The following SUPT3H variants were observed in gnomAD, a reference collection of about 807,000 sequenced individuals.
SUPT3H encodes the protein transcription initiation protein SPT3 homolog.
A neutral mutation model predicts 44.3 loss-of-function variants in SUPT3H; 44 were observed. The observed-to-expected ratio is 0.99, with a 90% CI of 0.78 to 1.28. SUPT3H has a LOEUF of 1.28. Ranked by LOEUF, SUPT3H falls within the 50% of genes most tolerant of loss-of-function variation. The probability of loss-of-function intolerance (pLI) is 0.00; values close to 1 mark genes in which losing one functional copy is unlikely to be tolerated. For missense variants in SUPT3H, 380 were observed against 387.1 expected (o/e 0.98, Z 0.15); for synonymous variants, 124 against 125.6 (o/e 0.99, Z 0.09).
chr6:45,352,664 C>T (rs1247649998), intron 2 of SUPT3H, among the ~76,000 whole-genome samples: 1 of 152,154 alleles, frequency 6.6e-6, no homozygotes, highest in South Asian at 2.1e-4. Context: ...GCAACTGTAC[C>T]TAGTATTCTG....
At chr6:44,846,822 G>C (rs1322825183) in intron 10 of SUPT3H, among the ~76,000 whole-genome samples, 1 of 152,064 alleles carries the variant, frequency 6.6e-6, no homozygotes, top group Non-Finnish European at 1.5e-5. Flanking sequence ...GGTAGAGACG[G>C]GGTTTCTCTG....
chr6:45,277,470 T>G (rs1052981191), intron 2 of SUPT3H, among the ~76,000 whole-genome samples: 1 of 152,148 alleles, frequency 6.6e-6, no homozygotes, highest in African/African-American at 2.4e-5. Context: ...GTGGGATGGA[T>G]ACAATCTTTA....
intron 2 of SUPT3H, among the ~76,000 whole-genome samples, chr6:45,263,934 A>C (rs887723419): frequency 6.6e-6 from 1 of 152,272 alleles, no homozygotes; most frequent in Admixed American, 6.5e-5. Context: ...CTGATCAGTA[A>C]CTTGTACTTA....
intron 3 of SUPT3H, among the ~76,000 whole-genome samples, chr6:45,091,582 C>T (rs1056556912): frequency 6.6e-6 from 1 of 152,056 alleles, no homozygotes; most frequent in Non-Finnish European, 1.5e-5. Flanking sequence ...GGGCAAGTTG[C>T]TTAATCTTTC....
chr6:45,132,445 A>G (rs1026265665), intron 2 of SUPT3H, among the ~76,000 whole-genome samples: 4 of 152,188 alleles, frequency 2.6e-5, no homozygotes, highest in African/African-American at 9.7e-5. Flanking sequence ...CAGCCGTCCA[A>G]CAAAATAAAT....
At chr6:45,215,795 T>G (rs958852614) in intron 2 of SUPT3H, among the ~76,000 whole-genome samples, 7 of 152,180 alleles carry the variant, frequency 4.6e-5, no homozygotes, top group Non-Finnish European at 7.3e-5. Context: ...CTGAGAAGTC[T>G]GGGGAAAGAT....
chr6:45,272,188 C>T (rs1354999099), intron 2 of SUPT3H, among the ~76,000 whole-genome samples: 4 of 152,068 alleles, frequency 2.6e-5, no homozygotes, highest in East Asian at 1.9e-4. Flanking sequence ...GGGAGACTGT[C>T]GGGAAGGCAT....
chr6:45,007,186 TC>T (rs1282452736), intron 5 of SUPT3H, among the ~76,000 whole-genome samples: 1 of 152,128 alleles, frequency 6.6e-6, no homozygotes, highest in Non-Finnish European at 1.5e-5. Context: ...ATTTAATAAT[TC>T]CTTTTTTGGA....
chr6:45,305,703 T>C (rs1322443185), intron 2 of SUPT3H, among the ~76,000 whole-genome samples: 2 of 152,178 alleles, frequency 1.3e-5, no homozygotes, highest in Non-Finnish European at 2.9e-5. Context: ...ATAATGGAAA[T>C]GACATCACCA....
intron 10 of SUPT3H, among the ~76,000 whole-genome samples, chr6:44,876,470 T>C (rs13213987): frequency 8.2e-6 from 1 of 121,222 alleles, no homozygotes; most frequent in Non-Finnish European, 1.7e-5. Flanking sequence ...ACATGGACAC[T>C]GGAAGGGGAA....
chr6:45,286,421 A>C (rs1562876503), intron 2 of SUPT3H, among the ~76,000 whole-genome samples: 1 of 152,208 alleles, frequency 6.6e-6, no homozygotes, highest in Non-Finnish European at 1.5e-5. Flanking sequence ...CCCATCAAAA[A>C]GTGGGCAAAG....
intron 9 of SUPT3H, among the ~76,000 whole-genome samples, chr6:44,938,473 T>C (rs1771861802): frequency 6.6e-6 from 1 of 152,230 alleles, no homozygotes; most frequent in Non-Finnish European, 1.5e-5. Flanking sequence ...TTTGTTACTA[T>C]GGCCTCACAG....
At chr6:44,987,302 T>C (rs887076496) in intron 6 of SUPT3H, among the ~76,000 whole-genome samples, 1 of 66,706 alleles carries the variant, frequency 1.5e-5, no homozygotes, top group Non-Finnish European at 3.3e-5. Flanking sequence ...GGGGGGTGGG[T>C]GGGAAGAGGG....
rs76521618 is a variant in SUPT3H, at chr6:45,364,036, A to T, written c.101+1165T>A. ...AGGCTGAGGCAGGAAAATCGCTTCA[A>T]CCTAGGAAGTGAAGGTTGCAGTGAG... is the stretch of plus-strand genomic sequence containing the variant. On this transcript the variant is annotated intron_variant, in intron 2 of 10. Coordinates refer to ENST00000371459, the MANE Select transcript of SUPT3H (RefSeq NM_003599.4). 7.2e-3 allele frequency among the ~76,000 whole-genome samples: 1,092 copies of T among 151,868 alleles called. 19 individuals carry two copies. Among genetic ancestry groups the T allele is most frequent in the African/African-American group, 0.025 (1,040 of 41,460 alleles).
chr6:45,122,163 C>T (rs574052905), intron 2 of SUPT3H, among the ~76,000 whole-genome samples: 12 of 152,140 alleles, frequency 7.9e-5, no homozygotes, highest in African/African-American at 1.4e-4. Flanking sequence ...ACCTTTATTA[C>T]GCTGTAAAAT....
intron 2 of SUPT3H, chr6:45,361,462 C>T (rs1470139121): frequency 1.3e-5 from 2 of 152,078 alleles, no homozygotes; most frequent in Non-Finnish European, 2.9e-5. Flanking sequence ...AGGAAGAACT[C>T]AGAGAACTCA....
At chr6:45,142,893 C>T (rs536306009) in intron 2 of SUPT3H, among the ~76,000 whole-genome samples, 5 of 151,198 alleles carry the variant, frequency 3.3e-5, no homozygotes, top group South Asian at 4.2e-4. Flanking sequence ...AAACTAAAAG[C>T]GAGCAGGAAT....
At chr6:45,179,657 G>C (rs912417673) in intron 2 of SUPT3H, among the ~76,000 whole-genome samples, 1 of 152,096 alleles carries the variant, frequency 6.6e-6, no homozygotes, top group Non-Finnish European at 1.5e-5. Context: ...ATGCAGAAAA[G>C]GCCTTTGACA....
chr6:44,814,352 A>G (rs1766754924), intron 11 of SUPT3H, among the ~76,000 whole-genome samples: 1 of 152,192 alleles, frequency 6.6e-6, no homozygotes, highest in Non-Finnish European at 1.5e-5. Flanking sequence ...CCAGGCAGTG[A>G]TCCAAGTCCA....
Sources: allele counts gnomAD v4.1 joint callset (sites outside exome capture counted in the v4.1 genomes callset), GRCh38; gene constraint gnomAD v4.1.1; transcripts MANE v1.5; gene names NCBI Gene and HGNC (gene_info 2026-07-23, HGNC 2026-07-21).